The following SPEN variants were observed in gnomAD, a reference collection of about 807,000 sequenced individuals.
SPEN encodes spen family transcriptional repressor.
In SPEN, 18 loss-of-function variants were observed where a neutral mutation model predicts 269.9. The observed-to-expected ratio is 0.07, with a 90% CI of 0.05 to 0.10. SPEN has a LOEUF of 0.10. SPEN is among the 10% of genes least tolerant of loss of function. SPEN has a pLI of 1.00. For synonymous variants in SPEN, 1,726 were observed against 1,765.7 expected (o/e 0.98, Z 0.56); for missense variants, 3,822 against 4,631.2 (o/e 0.83, Z 5.07).
chr1:15,932,013 G>A lies in SPEN; in HGVS notation c.5773G>A (p.Glu1925Lys), dbSNP rs199583436. 10 of 1,614,110 alleles carry A rather than the reference G, an allele frequency of 6.2e-6. No individual in the cohort carries two copies. The highest frequency in any genetic ancestry group is 1.7e-6 in the Non-Finnish European group (2 of 1,180,050). Residue 1925 changes from glutamate to lysine, a missense_variant, in exon 11 of 15, where the codon GAG (glutamate) becomes AAG (lysine). By Grantham distance (56) the Glu-to-Lys change is moderately conservative. This residue lies in a region of SPEN where 533 missense variants were observed against 618.8 expected (regional missense o/e 0.86). Transcript: ENST00000375759. The surrounding 1 kb of genome is among the most constrained non-coding windows in gnomAD (Gnocchi z 4.2). ...ENRSPVKEPV[E>K]QPRVTRKRLE... Reference sequence around the variant, plus strand: ...CCGCTCTCCTGTCAAAGAGCCCGTTGAGCAACCAAGAGTGACCAGAAAGAG... The same window carrying A: ...CCGCTCTCCTGTCAAAGAGCCCGTTAAGCAACCAAGAGTGACCAGAAAGAG...
In SPEN at chr1:15,937,792, G is replaced by C. The variant is rs370064555; in HGVS notation, c.10510-20G>C. ...GCGAGGGGCCATGAGCTCACTTCCTGTTTGTTTCCCTGTGAGCAGAAGTAC... is the reference window on the plus strand; with the variant it reads ...GCGAGGGGCCATGAGCTCACTTCCTCTTTGTTTCCCTGTGAGCAGAAGTAC... On this transcript the variant is annotated intron_variant, in intron 12 of 14. Transcript: ENST00000375759. This position sits in a 1 kb window ranked among gnomAD's most constrained non-coding sequence, Gnocchi z 5.7. 3 of 1,613,460 alleles carry C rather than the reference G, an allele frequency of 1.9e-6. No individual in the cohort carries two copies. Among genetic ancestry groups the C allele is most frequent in the Non-Finnish European group, 2.5e-6 (3 of 1,179,752 alleles).
intron 3 of SPEN, among the ~76,000 whole-genome samples, chr1:15,892,012 C>CTTTTTTTTTTTTTTTTTTTTTTTTTT (rs71003216): frequency 1.3e-5 from 1 of 74,566 alleles, no homozygotes; most frequent in African/African-American, 5.6e-5. Context: ...TTTCTTTTTA[C>CTTTTTTTTTTTTTTTTTTTTTTTTTT]TTTTTTTTTT....
rs765569202 is a variant in SPEN at position 15,933,654 on chromosome 1, C to T, written c.7414C>T (p.Leu2472=). ...PSDPSIPIPT[L]PSVTAAKLSP... ...CGATCCAAGCATCCCCATACCCACA[C>T]TGCCTTCTGTAACTGCAGCAAAGCT... The change falls in exon 11 of 15, where the codon CTG becomes TTG. Residue 2472 remains leucine (L), a synonymous_variant. Coordinates refer to ENST00000375759, the MANE Select transcript of SPEN (RefSeq NM_015001.3). The surrounding 1 kb of genome is among the most constrained non-coding windows in gnomAD (Gnocchi z 5.7). 19 of 1,614,172 alleles carry T rather than the reference C, an allele frequency of 1.2e-5. No individual in the cohort carries two copies. Among genetic ancestry groups the T allele is most frequent in the Non-Finnish European group, 1.4e-5 (17 of 1,180,032 alleles).
In SPEN at chr1:15,932,384, T is replaced by G; in HGVS notation, c.6144T>G (p.Ala2048=). The G allele has an allele frequency of 6.2e-7, 1 of 1,613,966 alleles. No individual in the cohort carries two copies. The highest frequency in any genetic ancestry group is 8.5e-7 in the Non-Finnish European group (1 of 1,180,012). The change falls in exon 11 of 15, where the codon GCT becomes GCG. Residue 2048 remains alanine (A), a synonymous_variant. Coordinates refer to ENST00000375759, the MANE Select transcript of SPEN (RefSeq NM_015001.3). This position sits in a 1 kb window ranked among gnomAD's most constrained non-coding sequence, Gnocchi z 4.2. ...GSEQKRDRKD[A]GTDKNPPETA... is the part of the protein sequence containing the mutation. ...AACAGAAACGTGACAGAAAAGATGC[T>G]GGCACAGACAAAAACCCCCCTGAAA...
At position 15,940,159 on chromosome 1, in the gene SPEN, GT is replaced by G. The variant is rs988318978; in HGVS notation, c.*740del. The G allele has an allele frequency of 7.1e-5, 16 of 225,760 alleles. 1 individual carries two copies. The highest frequency in any genetic ancestry group is 1.9e-4 in the East Asian group (3 of 15,816). The allele number at this position is 225,760 out of a possible 1,614,324, so 14.0% of individuals were successfully genotyped here. A position where few individuals can be genotyped will look rare whatever the true frequency, so the allele number is the denominator to read the frequency against. On this transcript the variant is annotated 3_prime_UTR_variant, in exon 15 of 15. Coordinates refer to ENST00000375759, the MANE Select transcript of SPEN (RefSeq NM_015001.3). Reference sequence around the variant, plus strand: ...TAAAAAATCAAATCCCCCGACATACGTTTTTTTTAATCTGTGCCAAAAATGT... The same window carrying G: ...TAAAAAATCAAATCCCCCGACATACGTTTTTTTAATCTGTGCCAAAAATGT...
chr1:15,916,374 G>A (rs1398986627), intron 6 of SPEN, 95 bp downstream of exon 6: 1 of 1,292,538 alleles, frequency 7.7e-7, no homozygotes, highest in Non-Finnish European at 1.1e-6. Context: ...ATTTAATGGT[G>A]TAATGAATGA....
intron 1 of SPEN, among the ~76,000 whole-genome samples, chr1:15,870,665 GT>G (rs2070564012): frequency 6.6e-6 from 1 of 152,176 alleles, no homozygotes; most frequent in Non-Finnish European, 1.5e-5. Flanking sequence ...TGCTTATTAG[GT>G]CAGTTGCAAA....
rs549870749 is a variant in SPEN, at chr1:15,908,190, C to T, written c.882-1131C>T. Among the ~76,000 whole-genome samples the T allele has an allele frequency of 5.3e-5, 8 of 151,656 alleles. No individual in the cohort carries two copies. In the East Asian group the frequency reaches 1.5e-3, roughly 29 times the overall value. On this transcript the variant is annotated intron_variant, in intron 3 of 14. Transcript: ENST00000375759. ...GTAGTGCTACTACTACTACTACTAACAGTAACTGAGCAGTGCTGCTTCATT... is the reference window on the plus strand; with the variant it reads ...GTAGTGCTACTACTACTACTACTAATAGTAACTGAGCAGTGCTGCTTCATT...
At chr1:15,921,403 C>A (rs927390910) in intron 9 of SPEN, among the ~76,000 whole-genome samples, 1 of 152,190 alleles carries the variant, frequency 6.6e-6, no homozygotes. Flanking sequence ...TTACAAGACA[C>A]GTATGCTGTA....
rs1338340502 is a variant in SPEN, at chr1:15,909,329, C to T, written c.890C>T (p.Ser297Phe). 1 of 1,609,016 alleles carries T rather than the reference C, an allele frequency of 6.2e-7. No individual in the cohort carries two copies. Among genetic ancestry groups the T allele is most frequent in the Non-Finnish European group, 8.5e-7 (1 of 1,178,412 alleles). ...TTGTTGCCTTTTTGCAGCAGTGATTCCAGCAGTAGTTCAAGTGATGATTCT... is the reference window on the plus strand; with the variant it reads ...TTGTTGCCTTTTTGCAGCAGTGATTTCAGCAGTAGTTCAAGTGATGATTCT... ...SSSTSSDSSDSSSSSSDDSPA... is the reference protein window; with the variant it reads ...SSSTSSDSSDFSSSSSDDSPA... The change falls in exon 4 of 15, where the codon TCC becomes TTC. Residue 297 changes from serine (S) to phenylalanine (F), a missense_variant. Around this residue, in one of 16 missense-constraint regions of SPEN, gnomAD observed 327 missense variants for 350.8 expected, o/e 0.93. Coordinates refer to ENST00000375759, the MANE Select transcript of SPEN (RefSeq NM_015001.3).
At chr1:15,877,127 C>T (rs992174504) in intron 3 of SPEN, among the ~76,000 whole-genome samples, 3 of 152,112 alleles carry the variant, frequency 2.0e-5, no homozygotes, top group African/African-American at 7.2e-5. Flanking sequence ...ATGACTAGAT[C>T]AACTTATGAA....
intron 3 of SPEN, among the ~76,000 whole-genome samples, chr1:15,905,429 C>G (rs979825949): frequency 4.6e-5 from 7 of 151,690 alleles, no homozygotes; most frequent in Non-Finnish European, 7.4e-5. Flanking sequence ...ACCATGTTGG[C>G]CAGGCTGGTC....
At chr1:15,936,312 G>T in intron 11 of SPEN, 46 bp downstream of exon 11, 1 of 1,498,980 alleles carries the variant, frequency 6.7e-7, no homozygotes, top group Non-Finnish European at 8.9e-7. Context: ...GCATGTGCTT[G>T]TGGGGCTCAG....
chr1:15,882,391 G>T (rs2070695193), intron 3 of SPEN, among the ~76,000 whole-genome samples: 1 of 152,258 alleles, frequency 6.6e-6, no homozygotes, highest in East Asian at 1.9e-4. Context: ...GCCAGGTGCA[G>T]TGGCTCACAC....
At chr1:15,852,981 A>G (rs1406213768) in intron 1 of SPEN, among the ~76,000 whole-genome samples, 1 of 151,812 alleles carries the variant, frequency 6.6e-6, no homozygotes, top group African/African-American at 2.4e-5. Flanking sequence ...CTCAGCCTGC[A>G]AAGTAGCTAG....
At chr1:15,915,974 A>G (rs1448470522) in intron 5 of SPEN, among the ~76,000 whole-genome samples, 154 bp from the exon 6 acceptor site, 2 of 152,018 alleles carry the variant, frequency 1.3e-5, no homozygotes, top group Non-Finnish European at 2.9e-5. Flanking sequence ...AGGGGTGGCT[A>G]TTTCTGAAGG....
Position 15,936,226 on chromosome 1 carries a change from C to T in SPEN, c.9986C>T (p.Ser3329Phe), listed in dbSNP as rs2071273974. ...QLTHTQFPAA[S>F]SVGLPSRTKT... The stretch of plus-strand genomic sequence containing the variant: ...ACACACACTCAGTTTCCCGCCGCTT[C>T]CTCTGTTGGCCTGCCTTCCCGGACC... The change falls in exon 11 of 15, where the codon TCC becomes TTC. Residue 3329 changes from serine (S) to phenylalanine (F), a missense_variant. Around this residue, in one of 16 missense-constraint regions of SPEN, gnomAD observed 359 missense variants for 377.3 expected, o/e 0.95. Transcript: ENST00000375759. The T allele has an allele frequency of 1.3e-6, 2 of 1,559,134 alleles. No individual in the cohort carries two copies. The highest frequency in any genetic ancestry group is 1.2e-5 in the South Asian group (1 of 83,380).
rs371890904 is a variant in SPEN at position 15,935,947 on chromosome 1, C to T, written c.9707C>T (p.Thr3236Ile). The change falls in exon 11 of 15, where the codon ACA becomes ATA. Residue 3236 changes from threonine (T) to isoleucine (I), a missense_variant. This residue lies in a region of SPEN where 359 missense variants were observed against 377.3 expected (regional missense o/e 0.95). Coordinates refer to ENST00000375759, the MANE Select transcript of SPEN (RefSeq NM_015001.3). The surrounding 1 kb of genome is among the most constrained non-coding windows in gnomAD (Gnocchi z 7.7). ...PQQPGKEAAK[T>I]PDAKAAPTPT... ...CAGCCAGGGAAGGAAGCTGCCAAGA[C>T]ACCAGATGCCAAAGCTGCCCCCACC... 2.1e-5 allele frequency: 34 copies of T among 1,608,082 alleles called. 1 individual carries two copies. The South Asian group carries it at 3.1e-4, about 15-fold the overall frequency.
intron 3 of SPEN, among the ~76,000 whole-genome samples, chr1:15,900,012 A>ATT (rs1265687540): frequency 6.6e-6 from 1 of 151,758 alleles, no homozygotes; most frequent in African/African-American, 2.4e-5. Flanking sequence ...TGCCTGGCTA[A>ATT]TTTTTGTATT....
Sources: allele counts gnomAD v4.1 joint callset (sites outside exome capture counted in the v4.1 genomes callset), GRCh38; gene constraint gnomAD v4.1.1; regional missense constraint gnomAD v4.1.1; non-coding constraint Gnocchi (gnomAD v3.1); transcripts MANE v1.5; gene names NCBI Gene and HGNC (gene_info 2026-07-23, HGNC 2026-07-21).